Variants in AP2B1 observed in about 807,000 individuals in gnomAD.
The protein encoded by AP2B1 is adaptor related protein complex 2 subunit beta 1.
Under a neutral mutation model 102.0 loss-of-function variants are expected in AP2B1, and 23 were observed. The observed-to-expected ratio is 0.23, with a 90% CI of 0.16 to 0.32. The LOEUF (loss-of-function observed/expected upper bound fraction) is 0.32. Among genes scored for constraint, AP2B1 ranks in the 10% least tolerant of loss-of-function variants. The pLI, the probability that AP2B1 is intolerant of heterozygous loss-of-function variation, is 1.00. For missense variants in AP2B1, 541 were observed against 1,157.4 expected (o/e 0.47, Z 7.73); for synonymous variants, 381 against 421.2 (o/e 0.90, Z 1.17).
intron 14 of AP2B1, among the ~76,000 whole-genome samples, chr17:35,669,486 T>G (rs2075542057): frequency 6.6e-6 from 1 of 152,176 alleles, no homozygotes; most frequent in Non-Finnish European, 1.5e-5. Flanking sequence ...TTTCATCCCC[T>G]GTGCAACCAT....
chr17:35,640,073 C>T (rs1366907486), intron 11 of AP2B1, among the ~76,000 whole-genome samples: 3 of 152,054 alleles, frequency 2.0e-5, no homozygotes, highest in Admixed American at 1.3e-4. Context: ...TGCACCACCA[C>T]ACCTGGCTAA....
intron 5 of AP2B1, among the ~76,000 whole-genome samples, chr17:35,610,933 G>T (rs1297964300): frequency 6.6e-6 from 1 of 151,652 alleles, no homozygotes; most frequent in Admixed American, 6.6e-5. Context: ...AATTTTGTTG[G>T]ACGTGGTGGT....
Position 35,674,206 on chromosome 17 carries a change from T to C in AP2B1, c.2209T>C (p.Leu737=). Residue 737 remains leucine (L), a synonymous_variant, in exon 17 of 22, where the codon TTG becomes CTG. Transcript: ENST00000610402. ...VWLPAVKAKG[L]EISGTFTHRQ... is the part of the protein sequence containing the mutation. ...GCTACCTGCAGTAAAGGCTAAAGGC[T>C]TGGAGATTTCCGGAACATTTACTCA... The C allele has an allele frequency of 6.2e-7, 1 of 1,614,224 alleles. No homozygotes were observed.
chr17:35,612,937 C>T (rs962722877), intron 5 of AP2B1, among the ~76,000 whole-genome samples: 3 of 149,238 alleles, frequency 2.0e-5, no homozygotes, highest in Admixed American at 1.4e-4. Flanking sequence ...AAAGTGTTTA[C>T]GTTTGAATAC....
intron 13 of AP2B1, among the ~76,000 whole-genome samples, chr17:35,654,663 A>C (rs1250985749): frequency 1.3e-5 from 2 of 152,190 alleles, no homozygotes; most frequent in African/African-American, 4.8e-5. Context: ...AATATCATCC[A>C]ATAAGCAGGC....
intron 14 of AP2B1, among the ~76,000 whole-genome samples, chr17:35,668,134 A>G (rs1002794354): frequency 3.1e-4 from 47 of 151,880 alleles, no homozygotes; most frequent in African/African-American, 1.1e-3. Flanking sequence ...GACGGGTTTC[A>G]CCATATTGGT....
intron 3 of AP2B1, among the ~76,000 whole-genome samples, chr17:35,605,154 C>T (rs1318406391): frequency 6.6e-6 from 1 of 152,098 alleles, no homozygotes; most frequent in Non-Finnish European, 1.5e-5. Flanking sequence ...ATCCTTACAC[C>T]CCAGCCTCCC....
chr17:35,698,024 A>T (rs145224239), intron 18 of AP2B1, among the ~76,000 whole-genome samples: 115 of 152,344 alleles, frequency 7.5e-4, no homozygotes, highest in Non-Finnish European at 1.4e-3. Context: ...TACTTTTAAG[A>T]AAACAATTTT....
chr17:35,587,746 C>T (rs892970452), intron 1 of AP2B1: 1 of 152,220 alleles, frequency 6.6e-6, no homozygotes, highest in African/African-American at 2.4e-5. Flanking sequence ...CTGATAGAGC[C>T]TGGAGGCCGT....
chr17:35,637,577 G>A (rs1464135409), intron 10 of AP2B1, among the ~76,000 whole-genome samples: 2 of 152,168 alleles, frequency 1.3e-5, no homozygotes, highest in Non-Finnish European at 2.9e-5. Flanking sequence ...TTTTGGCAAG[G>A]TAGTGGTTTA....
chr17:35,668,118 A>G (rs368308623), intron 14 of AP2B1, among the ~76,000 whole-genome samples: 26 of 151,904 alleles, frequency 1.7e-4, no homozygotes, highest in African/African-American at 4.8e-4. Flanking sequence ...TTGTATTTTT[A>G]GTAGAGACGG....
chr17:35,640,244 T>A (rs202072623), intron 11 of AP2B1, among the ~76,000 whole-genome samples: 22 of 136,806 alleles, frequency 1.6e-4, no homozygotes, highest in East Asian at 6.8e-4. Context: ...TTTTTTTTTT[T>A]TTTTTTTTTT....
intron 9 of AP2B1, among the ~76,000 whole-genome samples, chr17:35,632,361 C>T (rs2074486808): frequency 6.6e-6 from 1 of 152,136 alleles, no homozygotes; most frequent in African/African-American, 2.4e-5. Flanking sequence ...TCTTGAACTC[C>T]TGACCTCAGA....
At chr17:35,669,164 A>T (rs780583384) in intron 14 of AP2B1, among the ~76,000 whole-genome samples, 2 of 133,940 alleles carry the variant, frequency 1.5e-5, no homozygotes, top group Non-Finnish European at 3.1e-5. Flanking sequence ...TTTTTCCGAG[A>T]TGGAGTCTTG....
rs939800663 is a variant in AP2B1, at chr17:35,663,675, A to T, written c.1989+5884A>T. On this transcript the variant is annotated intron_variant, in intron 14 of 21. Transcript: ENST00000610402. ...GCAGTGTCAGTCTTACTTGATGGTA[A>T]ATAATGTAAACAGAATATACACTGG... is the stretch of plus-strand genomic sequence containing the variant. Among the ~76,000 whole-genome samples the T allele has an allele frequency of 3.9e-5, 6 of 152,228 alleles. No individual in the cohort carries two copies. The East Asian group carries it at 1.2e-3, about 29-fold the overall frequency.
chr17:35,713,798 G>A (rs1348788251), intron 20 of AP2B1: 2 of 152,192 alleles, frequency 1.3e-5, no homozygotes, highest in Admixed American at 1.3e-4. Flanking sequence ...AGAGAAAAGT[G>A]TATGGTGGGA....
chr17:35,598,200 ACCTTAC>A, intron 2 of AP2B1, 24 bp from the exon 3 acceptor site: 1 of 1,466,710 alleles, frequency 6.8e-7, no homozygotes, highest in Non-Finnish European at 9.5e-7. Context: ...TGGTACTGGA[ACCTTAC>A]CAGTTTGCTC....
At chr17:35,631,683 G>T (rs1224039795) in intron 9 of AP2B1, among the ~76,000 whole-genome samples, 4 of 151,788 alleles carry the variant, frequency 2.6e-5, no homozygotes, top group Admixed American at 2.6e-4. Context: ...TACTGAATTT[G>T]TAACTTTATC....
chr17:35,711,562 G>T (rs587608226), intron 20 of AP2B1, among the ~76,000 whole-genome samples: 2 of 151,784 alleles, frequency 1.3e-5, no homozygotes, highest in Admixed American at 1.3e-4. Context: ...TCCGCCTCCC[G>T]GGTTCATGCC....
Sources: allele counts gnomAD v4.1 joint callset (sites outside exome capture counted in the v4.1 genomes callset), GRCh38; gene constraint gnomAD v4.1.1; transcripts MANE v1.5; gene names NCBI Gene and HGNC (gene_info 2026-07-23, HGNC 2026-07-21).